RAB30: variants seen among roughly 807,000 people sequenced by gnomAD.
The protein encoded by RAB30 is ras-related protein Rab-30.
A neutral mutation model predicts 25.1 loss-of-function variants in RAB30; 9 were observed. The observed-to-expected ratio is 0.36, with a 90% confidence interval of 0.22 to 0.63. RAB30 has a LOEUF of 0.63. Ranked by LOEUF, RAB30 falls within the 20% of genes least tolerant of loss-of-function variation. RAB30 has a pLI of 0.69. For missense variants in RAB30, 140 were observed against 243.5 expected, an observed-to-expected ratio of 0.58 and a Z score of 2.83; for synonymous variants, 77 against 86.4, an observed-to-expected ratio of 0.89 and a Z score of 0.60.
At chr11:82,985,437 T>C (rs1427732533) in intron 4 of RAB30, among the ~76,000 whole-genome samples, 1 of 152,156 alleles carries the variant, frequency 6.6e-6, no homozygotes, top group East Asian at 1.9e-4. Context: ...CCTCAGAGTA[T>C]GATATATGTA....
chr11:83,004,326 C>T (rs1356776427), intron 1 of RAB30, among the ~76,000 whole-genome samples: 1 of 152,104 alleles, frequency 6.6e-6, no homozygotes, highest in African/African-American at 2.4e-5. Context: ...AACAAATACA[C>T]TTTAATATAA....
chr11:83,017,421 G>A (rs926461651), intron 1 of RAB30, among the ~76,000 whole-genome samples: 3 of 152,180 alleles, frequency 2.0e-5, no homozygotes, highest in Admixed American at 2.0e-4. Context: ...GGAACAGGTG[G>A]TTTTTTGTTA....
At chr11:83,046,335 G>C (rs979660578) in intron 1 of RAB30, among the ~76,000 whole-genome samples, 2 of 152,090 alleles carry the variant, frequency 1.3e-5, no homozygotes, top group African/African-American at 4.8e-5. Context: ...CCTTTTCTAA[G>C]TGTCACCACT....
At chr11:83,059,186 C>G (rs188799114) in intron 1 of RAB30, among the ~76,000 whole-genome samples, 1 of 152,194 alleles carries the variant, frequency 6.6e-6, no homozygotes, top group Non-Finnish European at 1.5e-5. Context: ...AAATGACCTG[C>G]CTGCCTTGAC....
At chr11:83,033,887 C>A (rs201451878) in intron 1 of RAB30, among the ~76,000 whole-genome samples, 36 of 151,442 alleles carry the variant, frequency 2.4e-4, no homozygotes, top group Non-Finnish European at 2.2e-4. Flanking sequence ...GAAAAAAAAA[C>A]CAAACAAACA....
chr11:83,065,310 A>G (rs1309885743), intron 1 of RAB30, among the ~76,000 whole-genome samples: 1 of 152,104 alleles, frequency 6.6e-6, no homozygotes, highest in East Asian at 1.9e-4. Flanking sequence ...GGATCCCTTG[A>G]GCCTAGGAGG....
At chr11:83,040,000 G>T (rs146968243) in intron 1 of RAB30, among the ~76,000 whole-genome samples, 13 of 152,238 alleles carry the variant, frequency 8.5e-5, no homozygotes, top group Non-Finnish European at 1.9e-4. Flanking sequence ...GTCTGATGAG[G>T]AGAAGCAGCA....
chr11:83,002,791 GA>G (rs2121475969), intron 1 of RAB30, among the ~76,000 whole-genome samples: 1 of 152,202 alleles, frequency 6.6e-6, no homozygotes, highest in African/African-American at 2.4e-5. Flanking sequence ...GGACTCTGTC[GA>G]TAAATAAATG....
intron 1 of RAB30, among the ~76,000 whole-genome samples, chr11:83,026,950 T>G (rs1232094059): frequency 2.0e-5 from 3 of 152,026 alleles, no homozygotes; most frequent in Admixed American, 2.0e-4. Context: ...AACCACAGAA[T>G]CCTTAAAAAA....
At chr11:83,062,776 G>A (rs780035096) in intron 1 of RAB30, among the ~76,000 whole-genome samples, 6 of 152,014 alleles carry the variant, frequency 3.9e-5, no homozygotes, top group African/African-American at 7.3e-5. Context: ...TGAAGTGGGC[G>A]GATCGCCTGA....
rs144190090 is a variant in RAB30, at chr11:82,983,730, C to T, written c.362-1315G>A. Among the ~76,000 whole-genome samples, 215 of 152,058 alleles carry T rather than the reference C, an allele frequency of 1.4e-3. No individual in the cohort carries two copies. The Middle Eastern group carries it at 0.017, about 12-fold the overall frequency. On this transcript the variant is annotated intron_variant, in intron 4 of 4. Transcript: ENST00000527633. The stretch of plus-strand genomic sequence containing the variant: ...ATTACACGCAATTGAGCCACCGAGC[C>T]GGGCCAACAGAGTAACTATTTCAAG...
intron 1 of RAB30, among the ~76,000 whole-genome samples, chr11:82,999,645 C>T (rs1857034915): frequency 6.6e-6 from 1 of 151,608 alleles, no homozygotes; most frequent in Non-Finnish European, 1.5e-5. Context: ...TCCTCAGTTA[C>T]TTAAATACCA....
At chr11:83,024,581 T>C (rs1480930614) in intron 1 of RAB30, among the ~76,000 whole-genome samples, 3 of 152,124 alleles carry the variant, frequency 2.0e-5, no homozygotes, top group Admixed American at 2.0e-4. Flanking sequence ...ATTAGACAAG[T>C]GAAGGCAGTA....
Position 83,035,942 on chromosome 11 carries a change from T to C in RAB30, c.-9+35749A>G, listed in dbSNP as rs1036089949. ...GCTGAAACTTGATAGAACTCTTCTA[T>C]GCATGTTCAGAATTAAGTGCCAGGC... On this transcript the variant is annotated intron_variant, in intron 1 of 4. Coordinates refer to ENST00000527633, the MANE Select transcript of RAB30 (RefSeq NM_001286060.2). Among the ~76,000 whole-genome samples the C allele has an allele frequency of 2.6e-5, 4 of 152,214 alleles. 1 individual carries two copies. The highest frequency in any genetic ancestry group is 4.1e-4 in the South Asian group (2 of 4,828).
chr11:82,988,778 T>C (rs1278418923), intron 3 of RAB30, among the ~76,000 whole-genome samples: 2 of 152,126 alleles, frequency 1.3e-5, no homozygotes, highest in Non-Finnish European at 2.9e-5. Context: ...AAAACAATAA[T>C]CTTTCCTTCT....
At chr11:83,030,033 C>G (rs974667621) in intron 1 of RAB30, among the ~76,000 whole-genome samples, 2 of 151,964 alleles carry the variant, frequency 1.3e-5, no homozygotes, top group African/African-American at 4.8e-5. Context: ...AATTTGTGAC[C>G]TGGGGAAGGA....
chr11:83,030,680 C>T, intron 1 of RAB30, among the ~76,000 whole-genome samples: 1 of 151,962 alleles, frequency 6.6e-6, no homozygotes, highest in Non-Finnish European at 1.5e-5. Context: ...ACCTGTAATC[C>T]CAGCTACTCA....
At chr11:83,038,103 T>C (rs116057485) in intron 1 of RAB30, among the ~76,000 whole-genome samples, 2,924 of 152,188 alleles carry the variant, frequency 0.019, 92 homozygotes, top group African/African-American at 0.066. Context: ...AATTCAGTAA[T>C]TGAATAGGGA....
chr11:82,978,335 A>T lies in RAB30; in HGVS notation c.*3830T>A, dbSNP rs1286995132. On this transcript the variant is annotated 3_prime_UTR_variant, in exon 5 of 5. Transcript: ENST00000527633. Reference sequence around the variant, plus strand: ...ACAGAGTTCTACAAGATTAAGAAATAAAAAAGACATTAGATTTTTGCCCTA... The same window carrying T: ...ACAGAGTTCTACAAGATTAAGAAATTAAAAAGACATTAGATTTTTGCCCTA... The T allele has an allele frequency of 6.6e-6, 1 of 152,186 alleles. No homozygotes were observed. The highest frequency in any genetic ancestry group is 1.5e-5 in the Non-Finnish European group (1 of 68,044). 9.4% of individuals were successfully genotyped at this position (152,186 alleles called of 1,614,324 possible).
Sources: gnomAD v4.1 joint callset for allele counts (sites outside exome capture counted in the v4.1 genomes callset) on GRCh38, gnomAD v4.1.1 for gene constraint, MANE v1.5 for transcripts, NCBI Gene and HGNC (gene_info 2026-07-23, HGNC 2026-07-21) for gene names.